Variants in ICE2 observed in about 807,000 individuals in gnomAD.
ICE2 encodes interactor of little elongation complex ELL subunit 2.
ICE2 carries 87 observed loss-of-function variants against 105.4 expected under a neutral mutation model. The observed-to-expected ratio is 0.83, with a 90% CI of 0.69 to 0.99. ICE2 has a LOEUF of 0.99. ICE2 is among the 50% of genes least tolerant of loss of function. The pLI is 0.00. For missense variants in ICE2, 1,323 were observed against 1,146.7 expected, an observed-to-expected ratio of 1.15 and a Z score of -2.22; for synonymous variants, 399 against 392.0, an observed-to-expected ratio of 1.02 and a Z score of -0.21.
At chr15:60,431,714 A>G (rs535696344) in intron 14 of ICE2, among the ~76,000 whole-genome samples, 4 of 152,344 alleles carry the variant, frequency 2.6e-5, no homozygotes, top group Middle Eastern at 3.4e-3. Flanking sequence ...GAAAAATAAC[A>G]TAATAATAGA....
chr15:60,456,228 C>T (rs965254518), intron 6 of ICE2, among the ~76,000 whole-genome samples: 95 of 7,516 alleles, frequency 0.013, no homozygotes, highest in Admixed American at 0.051. Context: ...CTAATTATTG[C>T]TTAAAATTTA....
chr15:60,451,317 G>A (rs1037087542), intron 9 of ICE2: 1 of 860,968 alleles, frequency 1.2e-6, no homozygotes, highest in Non-Finnish European at 1.4e-6. Context: ...AATCCAAAGG[G>A]CATTTCAAAA....
chr15:60,464,740 CT>C (rs2064375106), intron 5 of ICE2, among the ~76,000 whole-genome samples: 2 of 152,148 alleles, frequency 1.3e-5, no homozygotes, highest in African/African-American at 4.8e-5. Flanking sequence ...TGTAAAGACT[CT>C]TCCTAAGAAA....
At chr15:60,426,195 C>T (rs1209007647) in intron 15 of ICE2, among the ~76,000 whole-genome samples, 1 of 152,156 alleles carries the variant, frequency 6.6e-6, no homozygotes, top group Admixed American at 6.5e-5. Context: ...ACTACATATA[C>T]AACAGTGGTC....
chr15:60,431,728 A>G (rs963318363), intron 14 of ICE2, among the ~76,000 whole-genome samples: 8 of 152,232 alleles, frequency 5.3e-5, no homozygotes, highest in Non-Finnish European at 1.0e-4. Flanking sequence ...TAATAGACTT[A>G]CAGGAAAATG....
chr15:60,478,164 C>T (rs2064820347), intron 1 of ICE2, 95 bp from the exon 2 acceptor site: 1 of 608,964 alleles, frequency 1.6e-6, no homozygotes. Flanking sequence ...CATCTACCCT[C>T]AACAGACTGT....
intron 10 of ICE2, 46 bp from the exon 11 acceptor site, chr15:60,448,191 C>A: frequency 1.6e-6 from 2 of 1,226,718 alleles, no homozygotes; most frequent in South Asian, 1.4e-5. Flanking sequence ...TAGCTCTTAC[C>A]CATCATAAGC....
At chr15:60,451,563 T>C (rs2063966974) in intron 9 of ICE2, 1 of 982,786 alleles carries the variant, frequency 1.0e-6, no homozygotes, top group Admixed American at 6.1e-5. Flanking sequence ...CATTAAGAAG[T>C]ATAATAATTT....
At chr15:60,458,905 A>G (rs537292090) in intron 5 of ICE2, among the ~76,000 whole-genome samples, 1 of 152,320 alleles carries the variant, frequency 6.6e-6, no homozygotes, top group Non-Finnish European at 1.5e-5. Context: ...AACCTAGAAT[A>G]ATGAAACTTA....
chr15:60,445,491 C>T (rs1189186712), intron 11 of ICE2: 19 of 814,070 alleles, frequency 2.3e-5, no homozygotes, highest in Non-Finnish European at 2.7e-5. Flanking sequence ...CATATAATAA[C>T]GGGGGCAATG....
chr15:60,466,748 A>G lies in ICE2; in HGVS notation c.409-35T>C, dbSNP rs756081231. On this transcript the variant is annotated intron_variant, in intron 4 of 15. Coordinates refer to ENST00000261520, the MANE Select transcript of ICE2 (RefSeq NM_024611.6). ...AAAAAAGTAGACATGTCTTGGGATA[A>G]AAAGTTTCATTAAAAAGAATCACAT... The G allele has an allele frequency of 2.9e-5, 45 of 1,525,584 alleles. No individual in the cohort carries two copies. In the East Asian group the frequency reaches 5.4e-4, roughly 18 times the overall value. 94.5% of individuals were successfully genotyped at this position (1,525,584 alleles called of 1,614,324 possible). A position where few individuals can be genotyped will look rare whatever the true frequency, so the allele number is the denominator to read the frequency against.
At chr15:60,472,990 C>T (rs1370222407) in intron 3 of ICE2, among the ~76,000 whole-genome samples, 3 of 151,544 alleles carry the variant, frequency 2.0e-5, no homozygotes, top group African/African-American at 7.3e-5. Flanking sequence ...CTCTGTTGTC[C>T]AGAAGTGCAG....
chr15:60,465,001 A>G (rs1260132271), intron 5 of ICE2, among the ~76,000 whole-genome samples: 1 of 152,150 alleles, frequency 6.6e-6, no homozygotes, highest in Non-Finnish European at 1.5e-5. Flanking sequence ...ATGTATTAAA[A>G]ACATCATTCT....
In ICE2 at chr15:60,448,897, A is replaced by G. The variant is rs1384647246; in HGVS notation, c.2070T>C (p.Ser690=). Residue 690 remains serine (S), a synonymous_variant, in exon 10 of 16, where the codon TCT becomes TCC. Coordinates refer to ENST00000261520, the MANE Select transcript of ICE2 (RefSeq NM_024611.6). ...AAGGCCATCCAGATTTCGGCCAACT[A>G]GAGGAGTCTGAAGGACCAGACAATT... ...SEQLSGPSDS[S]SWPKSGWPSA... The G allele has an allele frequency of 6.2e-7, 1 of 1,610,868 alleles. No individual in the cohort carries two copies. Among genetic ancestry groups the G allele is most frequent in the Non-Finnish European group, 8.5e-7 (1 of 1,179,128 alleles).
At position 60,463,219 on chromosome 15, in the gene ICE2, A is replaced by G. The variant is rs191694144; in HGVS notation, c.528+3375T>C. 1.1e-3 allele frequency among the ~76,000 whole-genome samples: 163 copies of G among 152,332 alleles called. 1 individual carries two copies. The highest frequency in any genetic ancestry group is 2.0e-3 in the Non-Finnish European group (134 of 68,030). ...CTATCGTGAGTCAAGAAGCATCTGT[A>G]TATCGAACAGAAACGTGTGCGTATG... On this transcript the variant is annotated intron_variant, in intron 5 of 15. Transcript: ENST00000261520.
chr15:60,428,787 A>T (rs779506894), intron 14 of ICE2, 100 bp from the exon 15 acceptor site: 111 of 1,138,198 alleles, frequency 9.8e-5, no homozygotes, highest in Non-Finnish European at 1.3e-4. Context: ...AATTATGAGA[A>T]GATCACACCA....
At chr15:60,454,954 T>A in intron 8 of ICE2, 49 bp downstream of exon 8, 1 of 1,478,652 alleles carries the variant, frequency 6.8e-7, no homozygotes, top group Non-Finnish European at 9.0e-7. Context: ...GAACATGCAG[T>A]CCAACTTCTC....
intron 3 of ICE2, among the ~76,000 whole-genome samples, chr15:60,470,051 T>C (rs1001896855): frequency 6.6e-6 from 1 of 152,164 alleles, no homozygotes; most frequent in African/African-American, 2.4e-5. Context: ...GAAGGGAAAC[T>C]AAAGAGAAAG....
Position 60,456,656 on chromosome 15 carries a change from C to T in ICE2, c.666+1G>A. The stretch of plus-strand genomic sequence containing the variant: ...TTATATCGTCTGATAATAAACCTTA[C>T]CAATGCGAGAAGAGTTTTTTCTAAC... On this transcript the variant is annotated splice_donor_variant, in intron 6 of 15. Transcript: ENST00000261520. LOFTEE classifies it high-confidence loss of function. 1 of 1,561,294 alleles carries T rather than the reference C, an allele frequency of 6.4e-7. No individual in the cohort carries two copies.
Sources: allele counts gnomAD v4.1 joint callset (sites outside exome capture counted in the v4.1 genomes callset), GRCh38; gene constraint gnomAD v4.1.1; transcripts MANE v1.5; gene names NCBI Gene and HGNC (gene_info 2026-07-23, HGNC 2026-07-21).